The following ADAMTSL2 variants were observed in gnomAD, a reference collection of about 807,000 sequenced individuals.
ADAMTSL2 encodes the protein ADAMTS like 2.
Under a neutral mutation model 117.0 loss-of-function variants are expected in ADAMTSL2, and 55 were observed. That is an observed-to-expected ratio of 0.47 (90% CI 0.38 to 0.59). ADAMTSL2 has a LOEUF of 0.59. Ranked by LOEUF, ADAMTSL2 falls within the 20% of genes least tolerant of loss-of-function variation. The probability of loss-of-function intolerance (pLI) is 0.00; values close to 1 mark genes in which losing one functional copy is unlikely to be tolerated. For missense variants in ADAMTSL2, 1,182 were observed against 1,354.5 expected, an observed-to-expected ratio of 0.87 and a Z score of 2.00; for synonymous variants, 572 against 566.4, an observed-to-expected ratio of 1.01 and a Z score of -0.14.
At chr9:133,539,065 G>A (rs1056691758) in intron 4 of ADAMTSL2, among the ~76,000 whole-genome samples, 2 of 152,200 alleles carry the variant, frequency 1.3e-5, no homozygotes, top group Admixed American at 6.5e-5. Context: ...GAGCAGCTGG[G>A]GGTCTCTGTG....
At chr9:133,565,504 C>T (rs1830947020) in intron 12 of ADAMTSL2, among the ~76,000 whole-genome samples, 1 of 152,218 alleles carries the variant, frequency 6.6e-6, no homozygotes, top group African/African-American at 2.4e-5. Context: ...TTGGAACATT[C>T]CAAGCAGACC....
chr9:133,534,949 T>A (rs1455134739), intron 1 of ADAMTSL2, 32 bp downstream of exon 1: 3 of 1,370,448 alleles, frequency 2.2e-6, no homozygotes, highest in Non-Finnish European at 2.8e-6. Flanking sequence ...CCCCTCACGT[T>A]GCAGCGTCCA....
intron 1 of ADAMTSL2, among the ~76,000 whole-genome samples, chr9:133,535,164 C>T (rs1830021504): frequency 6.6e-6 from 1 of 152,126 alleles, no homozygotes; most frequent in African/African-American, 2.4e-5. Flanking sequence ...TGCTTTTGGA[C>T]CCCAGGGAGG....
chr9:133,537,481 G>A lies in ADAMTSL2; in HGVS notation c.167G>A (p.Trp56Ter). 7.3e-7 allele frequency: 1 copy of A among 1,360,640 alleles called. No homozygotes were observed. Among genetic ancestry groups the A allele is most frequent in the Non-Finnish European group, 9.5e-7 (1 of 1,048,342 alleles). The allele number at this position is 1,360,640 out of a possible 1,614,324, so 84.3% of individuals were successfully genotyped here. A position where few individuals can be genotyped will look rare whatever the true frequency, so the allele number is the denominator to read the frequency against. Residue 56 changes from tryptophan to a stop codon, truncating the protein, a stop_gained, in exon 3 of 19, where the codon TGG (tryptophan) becomes TAG (stop). Transcript: ENST00000651351. LOFTEE classifies it high-confidence loss of function. ...TAFWWGEWTKWTACSRSCGGG... is the reference protein window; with the variant it reads ...TAFWWGEWTK ...TTCTGGTGGGGGGAGTGGACCAAGT[G>A]GACGGCGTGTTCCCGCAGTTGCGGG...
intron 12 of ADAMTSL2, among the ~76,000 whole-genome samples, chr9:133,565,792 G>A (rs1015325907): frequency 1.3e-5 from 2 of 151,818 alleles, no homozygotes; most frequent in South Asian, 2.1e-4. Flanking sequence ...AGCCAAGACC[G>A]TTCCATGATG....
chr9:133,537,330 C>T (rs372608309), intron 2 of ADAMTSL2, 75 bp from the exon 3 acceptor site: 14 of 1,308,454 alleles, frequency 1.1e-5, no homozygotes, highest in South Asian at 2.9e-5. Context: ...GTGATACCCT[C>T]GGGCATGGGG....
rs1359493983 is a variant in ADAMTSL2 at position 133,563,818 on chromosome 9, G to GGA, written c.1747+2547_1747+2548dup. 2.5e-3 allele frequency among the ~76,000 whole-genome samples: 84 copies of GGA among 33,516 alleles called. 2 individuals are homozygous for GGA. The highest frequency in any genetic ancestry group is 5.5e-3 in the African/African-American group (43 of 7,864). The allele number at this position is 33,516 out of a possible 152,430, so 22.0% of individuals were successfully genotyped here. A position where few individuals can be genotyped will look rare whatever the true frequency, so the allele number is the denominator to read the frequency against. On this transcript the variant is annotated intron_variant, in intron 12 of 18. Transcript: ENST00000651351. The stretch of plus-strand genomic sequence containing the variant: ...GACAGAGAGAGAGAGAGAGAAAGGG[G>GGA]GAGAGAGAGAGAGAGAGAGAGAGAG...
intron 12 of ADAMTSL2, among the ~76,000 whole-genome samples, chr9:133,564,463 GGAGA>G (rs1830888397): frequency 1.3e-4 from 1 of 7,894 alleles, no homozygotes; most frequent in Non-Finnish European, 2.4e-4. Flanking sequence ...AGGGAGAGAG[GGAGA>G]GAGAGAGAGG....
chr9:133,545,957 G>A (rs1248816607), intron 8 of ADAMTSL2, among the ~76,000 whole-genome samples: 1 of 152,072 alleles, frequency 6.6e-6, no homozygotes, highest in Admixed American at 6.5e-5. Flanking sequence ...TGTCCTGCTT[G>A]TTGCGTCTGT....
At chr9:133,564,217 AGGGAGAGAGAGG>A (rs1830858673) in intron 12 of ADAMTSL2, among the ~76,000 whole-genome samples, 1 of 62,710 alleles carries the variant, frequency 1.6e-5, no homozygotes, top group African/African-American at 6.1e-5. Flanking sequence ...AGAGAGGGAG[AGGGAGAGAGAGG>A]GAGAGAGAGA....
chr9:133,567,066 C>G lies in ADAMTSL2; in HGVS notation c.1874+4C>G. The G allele has an allele frequency of 1.9e-6, 3 of 1,605,554 alleles. No individual in the cohort carries two copies. The highest frequency in any genetic ancestry group is 1.7e-5 in the Admixed American group (1 of 59,806). Reference sequence around the variant, plus strand: ...CTGGGAGGGAGTGCCAGCCCAGGTACCTGCCACCAGGGGCCCTGGGCAGGG... The same window carrying G: ...CTGGGAGGGAGTGCCAGCCCAGGTAGCTGCCACCAGGGGCCCTGGGCAGGG... On this transcript the variant is annotated splice_donor_region_variant and intron_variant, in intron 13 of 18. Coordinates refer to ENST00000651351, the MANE Select transcript of ADAMTSL2 (RefSeq NM_014694.4).
chr9:133,574,062 T>C (rs1160859333), intron 18 of ADAMTSL2, 75 bp downstream of exon 18: 4 of 1,529,526 alleles, frequency 2.6e-6, no homozygotes, highest in Non-Finnish European at 3.5e-6. Context: ...GCCTGAGGGG[T>C]GAGCAGACAT....
At chr9:133,569,865 CAG>C (rs1288882688) in intron 16 of ADAMTSL2, among the ~76,000 whole-genome samples, 7 of 152,226 alleles carry the variant, frequency 4.6e-5, no homozygotes, top group Non-Finnish European at 8.8e-5. Context: ...AAGCTAGGGA[CAG>C]GGGTTGTTTT....
rs1395142830 is a variant in ADAMTSL2 at position 133,534,732 on chromosome 9, C to T, written c.-336C>T. On this transcript the variant is annotated 5_prime_UTR_variant, in exon 1 of 19. Transcript: ENST00000651351. ...GGGCTGCGCCCCTCCCGGGAACCCC[C>T]TCTCTTGGATGCTCTTTGAAGTGGG... The T allele has an allele frequency of 2.2e-6, 3 of 1,390,734 alleles. No homozygotes were observed. Among genetic ancestry groups the T allele is most frequent in the African/African-American group, 1.5e-5 (1 of 66,122 alleles). 86.1% of individuals were successfully genotyped at this position (1,390,734 alleles called of 1,614,324 possible).
intron 12 of ADAMTSL2, among the ~76,000 whole-genome samples, chr9:133,563,727 G>A (rs950428373): frequency 1.4e-4 from 21 of 151,664 alleles, no homozygotes; most frequent in African/African-American, 5.1e-4. Context: ...ACAGGTTTTG[G>A]CTTTGGAAGA....
At chr9:133,544,410 G>A in intron 7 of ADAMTSL2, 60 bp from the exon 8 acceptor site, 3 of 1,416,394 alleles carry the variant, frequency 2.1e-6, no homozygotes, top group Non-Finnish European at 3.0e-6. Flanking sequence ...GAGTGGGCGA[G>A]TGCCACCCAA....
Position 133,536,664 on chromosome 9 carries a change from G to A in ADAMTSL2, c.-49G>A. 3.1e-6 allele frequency: 5 copies of A among 1,614,150 alleles called. No individual in the cohort carries two copies. The highest frequency in any genetic ancestry group is 4.2e-6 in the Non-Finnish European group (5 of 1,180,026). On this transcript the variant is annotated 5_prime_UTR_variant, in exon 2 of 19. The change creates a premature stop within an existing upstream ORF in the 5' untranslated region. Transcript: ENST00000651351. ...TCCCAAAGCGTACCCTGGTCATCTG[G>A]AAGAGGATCGGAGCTGGCCTGGTGG...
Position 133,540,874 on chromosome 9 carries a change from G to T in ADAMTSL2, c.559-4G>T. The T allele has an allele frequency of 6.2e-7, 1 of 1,613,378 alleles. No homozygotes were observed. ...AGCAGCCCTCTCCCTCTCCCTTCCT[G>T]CAGCCCATCGGCTGTGACGGGGTGC... On this transcript the variant is annotated splice_polypyrimidine_tract_variant and splice_region_variant and intron_variant, in intron 6 of 18. Transcript: ENST00000651351.
intron 17 of ADAMTSL2, among the ~76,000 whole-genome samples, chr9:133,570,759 C>T (rs1205309991): frequency 3.3e-5 from 5 of 152,160 alleles, no homozygotes; most frequent in Non-Finnish European, 7.3e-5. Flanking sequence ...TTTTTGGGCC[C>T]GGGAACTCCG....
Sources: allele counts gnomAD v4.1 joint callset (sites outside exome capture counted in the v4.1 genomes callset), GRCh38; gene constraint gnomAD v4.1.1; transcripts MANE v1.5; gene names NCBI Gene and HGNC (gene_info 2026-07-23, HGNC 2026-07-21).